Variants in SCHIP1 observed in about 807,000 individuals in gnomAD.
SCHIP1 encodes schwannomin interacting protein 1.
A neutral mutation model predicts 29.7 loss-of-function variants in SCHIP1; 8 were observed. That is an observed-to-expected ratio of 0.27 (90% confidence interval 0.16 to 0.49). The LOEUF is 0.49. Ranked by LOEUF, SCHIP1 falls within the 20% of genes least tolerant of loss-of-function variation. SCHIP1 has a pLI of 0.99. For synonymous variants in SCHIP1, 76 were observed against 94.9 expected (o/e 0.80, Z 1.16); for missense variants, 193 against 294.6 (o/e 0.66, Z 2.52).
chr3:159,839,952 G>C (rs1255662586), exon 1 of SCHIP1: 1 of 1,417,968 alleles, frequency 7.1e-7, no homozygotes, highest in Non-Finnish European at 9.2e-7. Flanking sequence ...TCCTAAGCCT[G>C]CCTCACTGGT....
chr3:159,584,816 G>T, the SCHIP1 span, among the ~76,000 whole-genome samples: 1 of 151,928 alleles, frequency 6.6e-6, no homozygotes, highest in Non-Finnish European at 1.5e-5. Flanking sequence ...CCAAAGAAAC[G>T]ATGGGTGGCT....
the SCHIP1 span, among the ~76,000 whole-genome samples, chr3:159,427,525 C>T: frequency 1.3e-5 from 2 of 152,236 alleles, no homozygotes; most frequent in East Asian, 3.9e-4. Context: ...AACTACAAAC[C>T]ACTGCTCAAT....
the SCHIP1 span, among the ~76,000 whole-genome samples, chr3:159,412,825 G>T: frequency 6.6e-6 from 1 of 152,228 alleles, no homozygotes; most frequent in African/African-American, 2.4e-5. Flanking sequence ...TGGATCTTTA[G>T]CCTGGGTCCA....
chr3:159,474,878 C>T, the SCHIP1 span, among the ~76,000 whole-genome samples: 1 of 152,110 alleles, frequency 6.6e-6, no homozygotes, highest in African/African-American at 2.4e-5. Flanking sequence ...AAAAAGTAAG[C>T]TTTGACAATA....
chr3:159,811,980 GT>G, the SCHIP1 span, among the ~76,000 whole-genome samples: 10 of 134,730 alleles, frequency 7.4e-5, no homozygotes, highest in Non-Finnish European at 8.1e-5. Flanking sequence ...TTTTGTTTTT[GT>G]TTTTTTTTTT....
chr3:159,874,927 T>A (rs1181636658), intron 2 of SCHIP1, among the ~76,000 whole-genome samples: 1 of 151,748 alleles, frequency 6.6e-6, no homozygotes, highest in African/African-American at 2.4e-5. Flanking sequence ...TAAAAACCCT[T>A]CATATAAGTA....
the SCHIP1 span, among the ~76,000 whole-genome samples, chr3:159,794,088 T>G: frequency 6.6e-6 from 1 of 152,174 alleles, no homozygotes; most frequent in East Asian, 1.9e-4. Flanking sequence ...CCATGTGAAG[T>G]AGCATATTCA....
intron 1 of SCHIP1, among the ~76,000 whole-genome samples, chr3:159,851,141 G>T (rs543747098): frequency 2.0e-5 from 3 of 152,094 alleles, no homozygotes; most frequent in Admixed American, 2.0e-4. Context: ...CAGGCATAGT[G>T]GTGCACTCCT....
the SCHIP1 span, among the ~76,000 whole-genome samples, chr3:159,421,396 G>A: frequency 6.6e-6 from 1 of 152,276 alleles, no homozygotes; most frequent in Admixed American, 6.5e-5. Context: ...AGGAATCCTG[G>A]GATGTTGTGG....
the SCHIP1 span, among the ~76,000 whole-genome samples, chr3:159,542,530 G>T: frequency 6.6e-6 from 1 of 152,028 alleles, no homozygotes; most frequent in Non-Finnish European, 1.5e-5. Context: ...CACCCTTGCG[G>T]TTTCACATAC....
At chr3:159,583,423 C>A in the SCHIP1 span, among the ~76,000 whole-genome samples, 8 of 152,096 alleles carry the variant, frequency 5.3e-5, no homozygotes, top group Admixed American at 5.2e-4. Flanking sequence ...AAAGACAATC[C>A]TATTTTAAAA....
At chr3:159,529,687 G>T in the SCHIP1 span, among the ~76,000 whole-genome samples, 1 of 152,008 alleles carries the variant, frequency 6.6e-6, no homozygotes, top group South Asian at 2.1e-4. Flanking sequence ...ACTCTATTTT[G>T]CCATCAAACA....
the SCHIP1 span, among the ~76,000 whole-genome samples, chr3:159,426,856 T>C: frequency 1.3e-4 from 20 of 152,232 alleles, no homozygotes; most frequent in African/African-American, 4.1e-4. Context: ...GGGTTTCATC[T>C]CTGGGATGCA....
At chr3:159,527,490 C>G in the SCHIP1 span, among the ~76,000 whole-genome samples, 14 of 152,180 alleles carry the variant, frequency 9.2e-5, no homozygotes, top group Admixed American at 8.5e-4. Context: ...CAACAAAACT[C>G]TCTTAGTTGT....
At chr3:159,806,947 A>G in the SCHIP1 span, among the ~76,000 whole-genome samples, 2 of 152,244 alleles carry the variant, frequency 1.3e-5, no homozygotes, top group Admixed American at 6.5e-5. Context: ...AAAGTATTGT[A>G]TCAGTTTTGC....
chr3:159,773,698 C>G, the SCHIP1 span, among the ~76,000 whole-genome samples: 3 of 152,036 alleles, frequency 2.0e-5, no homozygotes, highest in Non-Finnish European at 4.4e-5. Context: ...GTTGTCAGAA[C>G]AATTATAAAA....
chr3:159,321,157 G>C, the SCHIP1 span, among the ~76,000 whole-genome samples: 1 of 152,188 alleles, frequency 6.6e-6, no homozygotes, highest in South Asian at 2.1e-4. Flanking sequence ...TAGAGACGGG[G>C]TTTCACCACG....
chr3:159,290,634 T>C, the SCHIP1 span, among the ~76,000 whole-genome samples: 1 of 152,066 alleles, frequency 6.6e-6, no homozygotes, highest in African/African-American at 2.4e-5. Context: ...TCAGGTGACT[T>C]TGGGACATAA....
At chr3:159,892,009 G>T in intron 5 of SCHIP1, 88 bp from the exon 7 acceptor site, 1 of 1,409,340 alleles carries the variant, frequency 7.1e-7, no homozygotes, top group South Asian at 1.4e-5. Context: ...ATGGGTAGCT[G>T]TTTGTGTGTA....
Sources: gnomAD v4.1 joint callset for allele counts (sites outside exome capture counted in the v4.1 genomes callset) on GRCh38, gnomAD v4.1.1 for gene constraint, MANE v1.5 for transcripts, NCBI Gene and HGNC (gene_info 2026-07-23, HGNC 2026-07-21) for gene names.